The following ST7 variants were observed in gnomAD, a reference collection of about 807,000 sequenced individuals.
ST7 encodes suppression of tumorigenicity 7.
Under a neutral mutation model 78.7 loss-of-function variants are expected in ST7, and 28 were observed. The ratio of observed to expected loss-of-function variants is 0.36; its 90% confidence interval spans 0.26 to 0.49. ST7 has a LOEUF of 0.49. ST7 is among the 20% of genes least tolerant of loss of function. ST7 has a pLI of 0.99. For missense variants in ST7, 418 were observed against 696.0 expected (o/e 0.60, Z 4.49); for synonymous variants, 247 against 249.6 (o/e 0.99, Z 0.10).
At chr7:117,078,421 A>T (rs768730937) in intron 1 of ST7, among the ~76,000 whole-genome samples, 5 of 152,278 alleles carry the variant, frequency 3.3e-5, no homozygotes, top group Non-Finnish European at 7.3e-5. Context: ...GGTGAAACAG[A>T]TGAATAGCAT....
chr7:117,052,794 T>C (rs1797852534), intron 1 of ST7, among the ~76,000 whole-genome samples: 1 of 152,212 alleles, frequency 6.6e-6, no homozygotes, highest in Non-Finnish European at 1.5e-5. Context: ...CTCAGGAGGC[T>C]GGGGCAGGAG....
intron 8 of ST7, chr7:117,136,514 C>T (rs1319034794): frequency 1.1e-5 from 6 of 560,192 alleles, no homozygotes; most frequent in Non-Finnish European, 1.6e-5. Flanking sequence ...CTTTTTTCCT[C>T]CTGAGTTCTT....
chr7:117,011,599 A>G (rs912067626), intron 1 of ST7, among the ~76,000 whole-genome samples: 1 of 152,194 alleles, frequency 6.6e-6, no homozygotes, highest in Non-Finnish European at 1.5e-5. Context: ...TGATTCAGTA[A>G]TGATTCTTTC....
At chr7:116,972,569 C>T in intron 1 of ST7, 1 of 1,410,688 alleles carries the variant, frequency 7.1e-7, no homozygotes, top group Non-Finnish European at 9.9e-7. Flanking sequence ...ATGTGCTTAG[C>T]TTCTTTGAGT....
At chr7:117,094,399 T>G (rs761704509) in intron 1 of ST7, among the ~76,000 whole-genome samples, 1 of 152,190 alleles carries the variant, frequency 6.6e-6, no homozygotes, top group Non-Finnish European at 1.5e-5. Context: ...AGATGCCTTT[T>G]CTTGGCAGAA....
At chr7:117,068,730 A>G (rs1798766411) in intron 1 of ST7, among the ~76,000 whole-genome samples, 1 of 152,268 alleles carries the variant, frequency 6.6e-6, no homozygotes, top group Admixed American at 6.5e-5. Flanking sequence ...AAGTAGATTC[A>G]AATGATTGTA....
chr7:117,133,919 A>G (rs965448765), intron 6 of ST7, among the ~76,000 whole-genome samples: 1 of 151,938 alleles, frequency 6.6e-6, no homozygotes, highest in Admixed American at 6.6e-5. Context: ...TTGCAGTTAC[A>G]GTTGAACATT....
chr7:117,046,798 T>C (rs532962898), intron 1 of ST7, among the ~76,000 whole-genome samples: 77 of 152,334 alleles, frequency 5.1e-4, no homozygotes, highest in African/African-American at 1.8e-3. Context: ...AGAAATTCTC[T>C]GTAGATGAGG....
intron 9 of ST7, among the ~76,000 whole-genome samples, chr7:117,161,534 T>A (rs1322804440): frequency 6.6e-6 from 1 of 151,566 alleles, no homozygotes; most frequent in East Asian, 1.9e-4. Context: ...CCACTCACAC[T>A]ATTCACCTTC....
intron 3 of ST7, among the ~76,000 whole-genome samples, chr7:117,124,869 G>A (rs796885057): frequency 1.3e-5 from 2 of 152,142 alleles, no homozygotes; most frequent in East Asian, 1.9e-4. Flanking sequence ...CTACAAATAC[G>A]ACTGTGGAGA....
intron 9 of ST7, among the ~76,000 whole-genome samples, chr7:117,164,204 A>G (rs949795106): frequency 6.6e-6 from 1 of 152,178 alleles, no homozygotes; most frequent in African/African-American, 2.4e-5. Context: ...TCTACAGCCA[A>G]CTGATTTTGA....
chr7:117,183,929 A>C (rs1009762652), intron 10 of ST7, among the ~76,000 whole-genome samples: 3 of 152,264 alleles, frequency 2.0e-5, no homozygotes, highest in Non-Finnish European at 1.5e-5. Flanking sequence ...AAAAGAATGA[A>C]TGACTGACAC....
chr7:117,114,669 G>A (rs1316184888), intron 2 of ST7, among the ~76,000 whole-genome samples: 4 of 152,194 alleles, frequency 2.6e-5, no homozygotes, highest in Admixed American at 6.5e-5. Flanking sequence ...TTTGCTGTGT[G>A]GAAATCTGGA....
chr7:117,027,404 C>T (rs1206673506), intron 1 of ST7, among the ~76,000 whole-genome samples: 1 of 110,120 alleles, frequency 9.1e-6, no homozygotes, highest in Non-Finnish European at 1.8e-5. Context: ...CACACCACTG[C>T]ACTCCAGCCT....
intron 1 of ST7, among the ~76,000 whole-genome samples, chr7:117,004,322 A>G (rs1035433870): frequency 1.3e-5 from 2 of 152,226 alleles, no homozygotes; most frequent in Admixed American, 1.3e-4. Flanking sequence ...TTGGCTCTGA[A>G]TTGTACCATT....
chr7:117,217,608 C>T (rs886444888), intron 13 of ST7, among the ~76,000 whole-genome samples: 3 of 152,134 alleles, frequency 2.0e-5, no homozygotes, highest in East Asian at 1.9e-4. Flanking sequence ...CTTGTTCTAG[C>T]GGGCAAAAGT....
intron 8 of ST7, among the ~76,000 whole-genome samples, chr7:117,138,189 G>C (rs954803780): frequency 1.3e-5 from 2 of 152,058 alleles, no homozygotes; most frequent in South Asian, 2.1e-4. Flanking sequence ...GTTCATTTTC[G>C]CAGCACTTTG....
At chr7:117,151,773 A>C (rs1290559427) in intron 9 of ST7, among the ~76,000 whole-genome samples, 1 of 152,102 alleles carries the variant, frequency 6.6e-6, no homozygotes, top group East Asian at 1.9e-4. Context: ...AGAGGGGTAC[A>C]CTTTCCACCC....
intron 12 of ST7, among the ~76,000 whole-genome samples, chr7:117,206,581 C>A (rs1390210805): frequency 1.3e-5 from 2 of 152,084 alleles, no homozygotes; most frequent in Non-Finnish European, 2.9e-5. Flanking sequence ...CATATGTATC[C>A]CATTGATCCT....
Sources: gnomAD v4.1 joint callset for allele counts (sites outside exome capture counted in the v4.1 genomes callset) on GRCh38, gnomAD v4.1.1 for gene constraint, MANE v1.5 for transcripts, NCBI Gene and HGNC (gene_info 2026-07-23, HGNC 2026-07-21) for gene names.